RNF13: variants seen among roughly 807,000 people sequenced by gnomAD.
The protein encoded by RNF13 is E3 ubiquitin-protein ligase RNF13.
Under a neutral mutation model 37.7 loss-of-function variants are expected in RNF13, and 19 were observed. The ratio of observed to expected loss-of-function variants is 0.50; its 90% CI spans 0.35 to 0.74. RNF13 has a LOEUF of 0.74. Among genes scored for constraint, RNF13 ranks in the 30% least tolerant of loss-of-function variants. The probability of loss-of-function intolerance (pLI) is 0.01; values close to 1 mark genes in which losing one functional copy is unlikely to be tolerated. For synonymous variants in RNF13, 144 were observed against 157.8 expected, an observed-to-expected ratio of 0.91 and a Z score of 0.65; for missense variants, 375 against 453.0, an observed-to-expected ratio of 0.83 and a Z score of 1.56.
intron 2 of RNF13, among the ~76,000 whole-genome samples, chr3:149,850,762 G>A (rs1041852135): frequency 3.9e-5 from 6 of 152,158 alleles, no homozygotes; most frequent in Admixed American, 1.3e-4. Flanking sequence ...TGGCTGGGAT[G>A]AATTAAATGT....
At chr3:149,860,270 A>ATATATATATATATATATATATAT in intron 3 of RNF13, among the ~76,000 whole-genome samples, 1 of 104,096 alleles carries the variant, frequency 9.6e-6, no homozygotes, top group African/African-American at 4.2e-5. Context: ...AAAAAAAAAA[A>ATATATATATATATATATATATAT]ATATATATAT....
At chr3:149,958,084 G>A (rs1038165081) in intron 8 of RNF13, among the ~76,000 whole-genome samples, 1 of 152,120 alleles carries the variant, frequency 6.6e-6, no homozygotes, top group African/African-American at 2.4e-5. Flanking sequence ...TGATAAGAAA[G>A]CTCAGTGATT....
intron 4 of RNF13, among the ~76,000 whole-genome samples, chr3:149,876,167 T>G (rs948914221): frequency 7.2e-5 from 11 of 152,228 alleles, no homozygotes; most frequent in African/African-American, 2.7e-4. Context: ...CCAATTTCTT[T>G]GAGTAGCCAA....
chr3:149,853,458 GAGA>G (rs1559907827), intron 3 of RNF13, among the ~76,000 whole-genome samples: 25 of 14,106 alleles, frequency 1.8e-3, no homozygotes, highest in South Asian at 5.6e-3. Context: ...GAGAGAGGGA[GAGA>G]GAGAGAGAGA....
chr3:149,838,700 C>CT (rs1721893377), intron 1 of RNF13, among the ~76,000 whole-genome samples: 1 of 151,214 alleles, frequency 6.6e-6, no homozygotes, highest in African/African-American at 2.5e-5. Flanking sequence ...GCCTCTGGGC[C>CT]TGTGATGGGA....
intron 1 of RNF13, among the ~76,000 whole-genome samples, chr3:149,843,161 A>G (rs1559900997): frequency 6.6e-6 from 1 of 152,200 alleles, no homozygotes; most frequent in Non-Finnish European, 1.5e-5. Context: ...CACTATTTAC[A>G]TAGCATTTAC....
At chr3:149,837,134 A>G (rs949316783) in intron 1 of RNF13, among the ~76,000 whole-genome samples, 6 of 152,202 alleles carry the variant, frequency 3.9e-5, no homozygotes, top group African/African-American at 1.4e-4. Flanking sequence ...TATATGGTAA[A>G]TTTTATGTCT....
chr3:149,863,345 A>G (rs1724471838), intron 3 of RNF13, among the ~76,000 whole-genome samples: 1 of 152,082 alleles, frequency 6.6e-6, no homozygotes, highest in African/African-American at 2.4e-5. Flanking sequence ...AGTATGTTTT[A>G]TGTTTCATTA....
chr3:149,949,982 C>T (rs113544328), intron 8 of RNF13, among the ~76,000 whole-genome samples: 162 of 151,632 alleles, frequency 1.1e-3, no homozygotes, highest in African/African-American at 3.7e-3. Flanking sequence ...CCATTTTTTC[C>T]GTCTTTTTTC....
intron 6 of RNF13, among the ~76,000 whole-genome samples, chr3:149,910,351 T>C (rs1716866164): frequency 1.3e-5 from 2 of 152,212 alleles, no homozygotes; most frequent in Non-Finnish European, 2.9e-5. Flanking sequence ...TGTGAAATCC[T>C]TTGTCATCCC....
At chr3:149,940,260 A>G (rs1457157673) in intron 8 of RNF13, among the ~76,000 whole-genome samples, 1 of 152,190 alleles carries the variant, frequency 6.6e-6, no homozygotes, top group Non-Finnish European at 1.5e-5. Flanking sequence ...TTGACTTTCA[A>G]ATAACACTAT....
At chr3:149,919,395 C>T (rs577905942) in intron 7 of RNF13, among the ~76,000 whole-genome samples, 4 of 152,256 alleles carry the variant, frequency 2.6e-5, no homozygotes, top group South Asian at 2.1e-4. Flanking sequence ...TTTCCTTCAT[C>T]CTCCCCTCAC....
chr3:149,827,254 A>C (rs1278460783), intron 1 of RNF13, among the ~76,000 whole-genome samples: 1 of 152,192 alleles, frequency 6.6e-6, no homozygotes, highest in African/African-American at 2.4e-5. Context: ...ACTAATCTAG[A>C]GATGATTTAA....
intron 3 of RNF13, among the ~76,000 whole-genome samples, chr3:149,863,019 A>G (rs552817730): frequency 6.6e-6 from 1 of 152,362 alleles, no homozygotes; most frequent in African/African-American, 2.4e-5. Context: ...AACTAATGGC[A>G]ATGACAGTAC....
rs192982192 is a variant in RNF13, at chr3:149,823,259, G to A, written c.-17+9906G>A. 2.2e-3 allele frequency among the ~76,000 whole-genome samples: 329 copies of A among 152,204 alleles called. 1 individual carries two copies. Among genetic ancestry groups the A allele is most frequent in the African/African-American group, 7.5e-3 (313 of 41,544 alleles). On this transcript the variant is annotated intron_variant, in intron 1 of 9. Transcript: ENST00000392894. ...TTATTCCTATATTTATGGAAAGACAGTGGAACCTACTATAGAGTTGTGAGG... is the reference window on the plus strand; with the variant it reads ...TTATTCCTATATTTATGGAAAGACAATGGAACCTACTATAGAGTTGTGAGG...
intron 8 of RNF13, among the ~76,000 whole-genome samples, chr3:149,935,516 A>C (rs1008012843): frequency 5.3e-5 from 8 of 151,828 alleles, no homozygotes; most frequent in African/African-American, 1.9e-4. Flanking sequence ...AGTATGTTTT[A>C]ATTCCTTGCT....
At chr3:149,875,849 C>T (rs367963311) in intron 4 of RNF13, among the ~76,000 whole-genome samples, 33 of 2,846 alleles carry the variant, frequency 0.012, no homozygotes, top group African/African-American at 0.062. Context: ...AGAGGAAAAG[C>T]GAAACAGTGC....
At chr3:149,860,721 T>C (rs1724174524) in intron 3 of RNF13, among the ~76,000 whole-genome samples, 1 of 152,110 alleles carries the variant, frequency 6.6e-6, no homozygotes. Flanking sequence ...ATTTTACAGC[T>C]AAAATCACAA....
chr3:149,880,348 A>G (rs942469381), intron 4 of RNF13, among the ~76,000 whole-genome samples: 2 of 152,144 alleles, frequency 1.3e-5, no homozygotes, highest in African/African-American at 4.8e-5. Context: ...ATGAACTTAG[A>G]TCAGATCCTT....
Sources: allele counts gnomAD v4.1 joint callset (sites outside exome capture counted in the v4.1 genomes callset), GRCh38; gene constraint gnomAD v4.1.1; transcripts MANE v1.5; gene names NCBI Gene and HGNC (gene_info 2026-07-23, HGNC 2026-07-21).